SLC25A13: variants seen among roughly 807,000 people sequenced by gnomAD.
SLC25A13 encodes the protein solute carrier family 25 member 13.
SLC25A13 carries 70 observed loss-of-function variants against 85.5 expected under a neutral mutation model. The observed-to-expected ratio is 0.82, with a 90% CI of 0.68 to 1.00. The LOEUF (loss-of-function observed/expected upper bound fraction) is 1.00. Among genes scored for constraint, SLC25A13 ranks in the 50% least tolerant of loss-of-function variants. The pLI, the probability that SLC25A13 is intolerant of heterozygous loss-of-function variation, is 0.00. For missense variants in SLC25A13, 765 were observed against 819.8 expected, an observed-to-expected ratio of 0.93 and a Z score of 0.82; for synonymous variants, 259 against 288.7, an observed-to-expected ratio of 0.90 and a Z score of 1.04.
rs766917149 is a variant in SLC25A13 at position 96,184,999 on chromosome 7, C to T, written c.946G>A (p.Asp316Asn). 5.0e-6 allele frequency: 8 copies of T among 1,613,988 alleles called. No individual in the cohort carries two copies. In the East Asian group the frequency reaches 1.3e-4, roughly 27 times the overall value. ...AEAQRQKASG[D>N]SARPVLLQVA... Reference sequence around the variant, plus strand: ...TGTAGAAGAACTGGTCGAGCTGAATCACCTGAGGCCTTCTGCTTTGCATGC... The same window carrying T: ...TGTAGAAGAACTGGTCGAGCTGAATTACCTGAGGCCTTCTGCTTTGCATGC... Residue 316 changes from aspartate to asparagine, a missense_variant, in exon 10 of 18, where the codon GAT becomes AAT. Transcript: ENST00000265631.
chr7:96,131,086 CT>C (rs1792009940), intron 15 of SLC25A13, among the ~76,000 whole-genome samples: 1 of 152,176 alleles, frequency 6.6e-6, no homozygotes, highest in African/African-American at 2.4e-5. Flanking sequence ...AATGTCACCA[CT>C]TGGAGAGCTA....
intron 13 of SLC25A13, among the ~76,000 whole-genome samples, chr7:96,153,921 A>C (rs1793146682): frequency 6.6e-6 from 1 of 152,246 alleles, no homozygotes; most frequent in African/African-American, 2.4e-5. Flanking sequence ...TGAAGAAAAA[A>C]TGTATTGTTT....
At position 96,234,637 on chromosome 7, in the gene SLC25A13, T is replaced by A. The variant is rs1433709734; in HGVS notation, c.328+165A>T. Among the ~76,000 whole-genome samples the A allele has an allele frequency of 3.9e-5, 6 of 152,104 alleles. No homozygotes were observed. The South Asian group carries it at 1.2e-3, about 32-fold the overall frequency. On this transcript the variant is annotated intron_variant, in intron 4 of 17. Coordinates refer to ENST00000265631, the MANE Select transcript of SLC25A13 (RefSeq NM_014251.3). ...AACTTGTTTTTTTCGAATAGGAAGA[T>A]GTTTGAACTGGAGCTCCAAAACATT... is the stretch of plus-strand genomic sequence containing the variant.
intron 14 of SLC25A13, among the ~76,000 whole-genome samples, chr7:96,140,948 C>G (rs976773828): frequency 1.3e-5 from 2 of 151,460 alleles, no homozygotes; most frequent in African/African-American, 4.8e-5. Context: ...TTTTTAAAAT[C>G]AGCTTCTTTT....
At chr7:96,308,325 C>T (rs1799835409) in intron 1 of SLC25A13, among the ~76,000 whole-genome samples, 1 of 152,194 alleles carries the variant, frequency 6.6e-6, no homozygotes, top group Non-Finnish European at 1.5e-5. Flanking sequence ...TTCAGAGCAG[C>T]CTAGCTGATT....
At chr7:96,306,934 C>T in intron 1 of SLC25A13, 1 of 945,520 alleles carries the variant, frequency 1.1e-6, no homozygotes, top group East Asian at 2.5e-5. Flanking sequence ...GCCAGTCCCA[C>T]CACACTCGCA....
intron 15 of SLC25A13, among the ~76,000 whole-genome samples, chr7:96,129,232 G>A (rs1300758565): frequency 7.9e-5 from 12 of 152,156 alleles, no homozygotes; most frequent in Admixed American, 7.9e-4. Context: ...CAGAAACTGT[G>A]AGAAAATAAA....
intron 3 of SLC25A13, among the ~76,000 whole-genome samples, chr7:96,240,237 A>G (rs1249976151): frequency 2.0e-5 from 3 of 152,218 alleles, no homozygotes; most frequent in Non-Finnish European, 2.9e-5. Flanking sequence ...AGAGGAGGGA[A>G]AGATTACTGT....
intron 14 of SLC25A13, 80 bp downstream of exon 14, chr7:96,146,476 G>A: frequency 1.9e-6 from 3 of 1,558,206 alleles, no homozygotes; most frequent in South Asian, 1.2e-5. Context: ...AAAAAAAATG[G>A]ATTTCATGTT....
At chr7:96,280,647 T>G (rs1243769347) in intron 2 of SLC25A13, among the ~76,000 whole-genome samples, 2 of 151,896 alleles carry the variant, frequency 1.3e-5, no homozygotes, top group Non-Finnish European at 2.9e-5. Flanking sequence ...CACAAAAGAT[T>G]GAGGCTGCAG....
intron 1 of SLC25A13, among the ~76,000 whole-genome samples, chr7:96,317,824 C>A (rs1367605876): frequency 7.2e-6 from 1 of 139,256 alleles, no homozygotes; most frequent in African/African-American, 2.6e-5. Context: ...TTTTTTGAGA[C>A]AGGATCTCGT....
At chr7:96,180,808 T>C (rs996395299) in intron 11 of SLC25A13, among the ~76,000 whole-genome samples, 4 of 152,236 alleles carry the variant, frequency 2.6e-5, no homozygotes, top group East Asian at 1.9e-4. Context: ...ACCCAATCAA[T>C]TGTTGTTCTT....
At chr7:96,168,733 G>A (rs1389006663) in intron 13 of SLC25A13, among the ~76,000 whole-genome samples, 1 of 151,968 alleles carries the variant, frequency 6.6e-6, no homozygotes, top group Non-Finnish European at 1.5e-5. Flanking sequence ...AGTTTAAAAT[G>A]TAACTTAAAA....
Position 96,171,527 on chromosome 7 carries a change from A to G in SLC25A13, c.1178-3T>C. 5 of 1,609,430 alleles carry G rather than the reference A, an allele frequency of 3.1e-6. No homozygotes were observed. The highest frequency in any genetic ancestry group is 4.3e-6 in the Non-Finnish European group (5 of 1,175,876). ...TCCCAATAACTGTGGCAACAGACCT[A>G]AAAATCAACAAAAAGTAGAAGTATA... On this transcript the variant is annotated splice_polypyrimidine_tract_variant and splice_region_variant and intron_variant, in intron 11 of 17. Transcript: ENST00000265631.
chr7:96,157,615 C>T (rs947427756), intron 13 of SLC25A13, among the ~76,000 whole-genome samples: 3 of 152,086 alleles, frequency 2.0e-5, no homozygotes, highest in African/African-American at 7.2e-5. Context: ...ACCAGCCTGG[C>T]TGACACGGCA....
intron 1 of SLC25A13, among the ~76,000 whole-genome samples, chr7:96,302,413 T>C (rs776853481): frequency 1.3e-5 from 2 of 152,206 alleles, no homozygotes; most frequent in African/African-American, 2.4e-5. Context: ...CTCATTACTT[T>C]AACAAATCAC....
chr7:96,296,821 G>A (rs1428743212), intron 2 of SLC25A13, 77 bp downstream of exon 2: 5 of 1,372,328 alleles, frequency 3.6e-6, no homozygotes, highest in African/African-American at 1.4e-5. Context: ...ACGAAATAAA[G>A]AGCTGTTTGA....
chr7:96,156,036 G>T (rs1404405413), intron 13 of SLC25A13, among the ~76,000 whole-genome samples: 1 of 152,172 alleles, frequency 6.6e-6, no homozygotes, highest in African/African-American at 2.4e-5. Flanking sequence ...TTTGAACGGA[G>T]TAGCTGCCTG....
At chr7:96,174,302 G>A (rs1794129732) in intron 11 of SLC25A13, among the ~76,000 whole-genome samples, 1 of 152,152 alleles carries the variant, frequency 6.6e-6, no homozygotes, top group South Asian at 2.1e-4. Flanking sequence ...ATGAGCTGAG[G>A]CAGCATATGA....
Sources: allele counts gnomAD v4.1 joint callset (sites outside exome capture counted in the v4.1 genomes callset), GRCh38; gene constraint gnomAD v4.1.1; transcripts MANE v1.5; gene names NCBI Gene and HGNC (gene_info 2026-07-23, HGNC 2026-07-21).